Variants in TUSC3 observed in about 807,000 individuals in gnomAD.
TUSC3 encodes the protein tumor suppressor candidate 3, also known as dolichyl-diphosphooligosaccharide--protein glycosyltransferase subunit TUSC3.
Under a neutral mutation model 44.8 loss-of-function variants are expected in TUSC3, and 45 were observed. That is an observed-to-expected ratio of 1.00 (90% confidence interval 0.79 to 1.29). TUSC3 has a LOEUF of 1.29. TUSC3 is among the 50% of genes most tolerant of loss of function. The pLI is 0.00. For synonymous variants in TUSC3, 212 were observed against 152.9 expected, an observed-to-expected ratio of 1.39 and a Z score of -2.85; for missense variants, 519 against 437.9, an observed-to-expected ratio of 1.19 and a Z score of -1.65.
At chr8:15,629,345 A>G (rs1805655463) in intron 2 of TUSC3, among the ~76,000 whole-genome samples, 1 of 152,154 alleles carries the variant, frequency 6.6e-6, no homozygotes, top group Non-Finnish European at 1.5e-5. Flanking sequence ...ATTGTTATTG[A>G]GCCAGGAGAG....
the TUSC3 span, among the ~76,000 whole-genome samples, chr8:15,828,152 A>C: frequency 6.6e-6 from 1 of 151,526 alleles, no homozygotes; most frequent in East Asian, 1.9e-4. Flanking sequence ...GCACCACCAC[A>C]CCTGGCTAAT....
chr8:15,674,315 G>A (rs1808087266), intron 6 of TUSC3, among the ~76,000 whole-genome samples: 1 of 151,984 alleles, frequency 6.6e-6, no homozygotes, highest in African/African-American at 2.4e-5. Flanking sequence ...TACATTAGTA[G>A]CAGAGTTTAC....
the TUSC3 span, among the ~76,000 whole-genome samples, chr8:15,798,335 C>G: frequency 3.3e-5 from 5 of 152,172 alleles, no homozygotes; most frequent in Non-Finnish European, 7.3e-5. Context: ...GGCTAGTTCC[C>G]TAAGTGCCCA....
At chr8:15,648,835 C>G (rs1363621639) in intron 2 of TUSC3, among the ~76,000 whole-genome samples, 1 of 147,416 alleles carries the variant, frequency 6.8e-6, no homozygotes, top group Non-Finnish European at 1.5e-5. Context: ...CGGTGTTTCT[C>G]TCCTGTAACA....
intron 2 of TUSC3, among the ~76,000 whole-genome samples, chr8:15,498,526 G>A (rs1009509961): frequency 8.5e-5 from 13 of 152,162 alleles, no homozygotes; most frequent in African/African-American, 2.9e-4. Flanking sequence ...GGATCCTAGC[G>A]ATGAATTTGA....
chr8:15,588,032 T>C (rs1468447245), intron 1 of TUSC3, among the ~76,000 whole-genome samples: 1 of 152,144 alleles, frequency 6.6e-6, no homozygotes, highest in Non-Finnish European at 1.5e-5. Flanking sequence ...GGGCTGCAGG[T>C]ATCTTTTTAA....
chr8:15,690,976 G>A (rs950998137), intron 6 of TUSC3, among the ~76,000 whole-genome samples: 9 of 151,184 alleles, frequency 6.0e-5, no homozygotes, highest in African/African-American at 2.2e-4. Context: ...GATTGCCTTG[G>A]CTATTCAGGC....
At chr8:15,523,658 ATATATATGTG>A (rs1422231440) in intron 2 of TUSC3, among the ~76,000 whole-genome samples, 9 of 21,322 alleles carry the variant, frequency 4.2e-4, no homozygotes, top group African/African-American at 7.9e-4. Flanking sequence ...ATATATATAT[ATATATATGTG>A]TGTGTGTGTG....
chr8:15,496,074 C>T (rs1475788803), intron 2 of TUSC3, among the ~76,000 whole-genome samples: 1 of 152,142 alleles, frequency 6.6e-6, no homozygotes, highest in Non-Finnish European at 1.5e-5. Flanking sequence ...CTAATAGACT[C>T]AACTTTGTCC....
chr8:15,423,319 G>C (rs1339005035), intron 1 of TUSC3, among the ~76,000 whole-genome samples: 3 of 152,032 alleles, frequency 2.0e-5, no homozygotes, highest in Non-Finnish European at 4.4e-5. Flanking sequence ...TGTAGGATTT[G>C]GTTTGATCAA....
At position 15,748,359 on chromosome 8, in the gene TUSC3, TTCTG is replaced by T. The variant is rs771010504; in HGVS notation, c.938-10_938-7del. ...CATATTTTTAGACACTAATGGTATT[TTCTG>T]TCTGTTTCTAGTAATTTGCCTAGTG... On this transcript the variant is annotated splice_polypyrimidine_tract_variant and intron_variant, in intron 8 of 10. Coordinates refer to ENST00000503731, the MANE Select transcript of TUSC3 (RefSeq NM_006765.4). The T allele has an allele frequency of 1.1e-5, 17 of 1,593,040 alleles. No homozygotes were observed. Among genetic ancestry groups the T allele is most frequent in the Admixed American group, 1.7e-5 (1 of 59,980 alleles).
At chr8:15,730,421 G>A (rs1810670397) in intron 6 of TUSC3, among the ~76,000 whole-genome samples, 1 of 152,028 alleles carries the variant, frequency 6.6e-6, no homozygotes, top group African/African-American at 2.4e-5. Flanking sequence ...CCTTTAACAA[G>A]TTATATTAAG....
In TUSC3 at chr8:15,459,972, A is replaced by G. The variant is rs915753755; in HGVS notation, n.92-23414A>G. Among the ~76,000 whole-genome samples, 14 of 152,168 alleles carry G rather than the reference A, an allele frequency of 9.2e-5. 1 individual carries two copies. The highest frequency in any genetic ancestry group is 3.4e-3 in the Middle Eastern group (1 of 294). On this transcript the variant is annotated intron_variant and non_coding_transcript_variant, in intron 1 of 5. Transcript: ENST00000503191. ...TTTGGGTTGGTTCCAGAATTTTGCA[A>G]TTGCTAATTGTGCAGCTATAAACAT...
intron 2 of TUSC3, among the ~76,000 whole-genome samples, chr8:15,506,305 C>T (rs993453652): frequency 3.9e-5 from 6 of 152,276 alleles, no homozygotes; most frequent in African/African-American, 1.2e-4. Context: ...CCCTCTTTAC[C>T]AAGGTGGATC....
intron 6 of TUSC3, among the ~76,000 whole-genome samples, chr8:15,686,835 G>C (rs987530564): frequency 2.6e-5 from 4 of 151,766 alleles, no homozygotes; most frequent in Admixed American, 2.6e-4. Context: ...TTAGGAGGCC[G>C]AGTTTGGCGG....
chr8:15,619,382 T>C (rs1805140195), intron 1 of TUSC3, among the ~76,000 whole-genome samples: 2 of 152,218 alleles, frequency 1.3e-5, no homozygotes, highest in African/African-American at 4.8e-5. Flanking sequence ...CATTTATAAT[T>C]GCTCTCTGCT....
chr8:15,825,675 A>G, the TUSC3 span, among the ~76,000 whole-genome samples: 5 of 152,172 alleles, frequency 3.3e-5, no homozygotes, highest in Non-Finnish European at 7.4e-5. Flanking sequence ...AACAGAACAT[A>G]CATACAAATA....
intron 1 of TUSC3, among the ~76,000 whole-genome samples, chr8:15,582,560 G>A (rs1429085): frequency 0.92 from 139,517 of 152,280 alleles, 64,045 homozygotes; most frequent in East Asian, 0.98. Context: ...AACATTAAAG[G>A]TCCTATAAAT....
chr8:15,674,164 T>A (rs895305400), intron 6 of TUSC3, among the ~76,000 whole-genome samples: 1 of 152,046 alleles, frequency 6.6e-6, no homozygotes, highest in African/African-American at 2.4e-5. Flanking sequence ...CGGAATAGTT[T>A]ATAGCCAATG....
Sources: gnomAD v4.1 joint callset for allele counts (sites outside exome capture counted in the v4.1 genomes callset) on GRCh38, gnomAD v4.1.1 for gene constraint, MANE v1.5 for transcripts, NCBI Gene and HGNC (gene_info 2026-07-23, HGNC 2026-07-21) for gene names.